Variants in FGD5 observed in about 807,000 individuals in gnomAD.
FGD5 encodes FYVE, RhoGEF and PH domain containing 5, also known as FYVE, RhoGEF and PH domain-containing protein 5.
A neutral mutation model predicts 133.4 loss-of-function variants in FGD5; 28 were observed. The observed-to-expected ratio is 0.21, with a 90% CI of 0.16 to 0.29. The LOEUF is 0.29. Ranked by LOEUF, FGD5 falls within the 10% of genes least tolerant of loss-of-function variation. The probability of loss-of-function intolerance (pLI) is 1.00; values close to 1 mark genes in which losing one functional copy is unlikely to be tolerated. For synonymous variants in FGD5, 810 were observed against 776.5 expected, an observed-to-expected ratio of 1.04 and a Z score of -0.72; for missense variants, 1,858 against 1,895.2, an observed-to-expected ratio of 0.98 and a Z score of 0.36.
chr3:14,897,887 C>G (rs1012642410), intron 5 of FGD5, 52 bp from the exon 6 acceptor site: 2 of 1,606,950 alleles, frequency 1.2e-6, no homozygotes, highest in Non-Finnish European at 1.7e-6. Flanking sequence ...TCTAACCCTG[C>G]GTTGGTTACA....
intron 2 of FGD5, among the ~76,000 whole-genome samples, chr3:14,866,996 A>G (rs1056651934): frequency 2.0e-5 from 3 of 152,146 alleles, no homozygotes; most frequent in African/African-American, 7.2e-5. Flanking sequence ...CAGACTTCTC[A>G]TCAGCTATAG....
intron 11 of FGD5, among the ~76,000 whole-genome samples, chr3:14,913,430 C>T (rs1225597718): frequency 2.0e-5 from 3 of 152,196 alleles, no homozygotes; most frequent in African/African-American, 7.2e-5. Flanking sequence ...CTCTTCAGGA[C>T]GCAAAAGGGA....
At chr3:14,839,508 C>T (rs2036877083) in intron 1 of FGD5, among the ~76,000 whole-genome samples, 1 of 152,210 alleles carries the variant, frequency 6.6e-6, no homozygotes, top group Non-Finnish European at 1.5e-5. Context: ...AGAGATCCTG[C>T]CCCGGGGGCA....
At position 14,865,315 on chromosome 3, in the gene FGD5, C is replaced by T. The variant is rs138419354; in HGVS notation, c.2658+1055C>T. 2.8e-3 allele frequency among the ~76,000 whole-genome samples: 423 copies of T among 152,374 alleles called. 2 individuals carry two copies. Among genetic ancestry groups the T allele is most frequent in the African/African-American group, 9.5e-3 (394 of 41,596 alleles). On this transcript the variant is annotated intron_variant, in intron 2 of 19. Coordinates refer to ENST00000285046, the MANE Select transcript of FGD5 (RefSeq NM_152536.4). ...TTAAAGACCATTGCAAGTGAATGCA[C>T]TCAGCACAGGTGCCTGACACTTACC...
chr3:14,818,185 C>T (rs2036406798), upstream of FGD5, among the ~76,000 whole-genome samples: 1 of 152,200 alleles, frequency 6.6e-6, no homozygotes, highest in Admixed American at 6.5e-5. Context: ...GCAAGTACAT[C>T]CTTTTCCAGA....
upstream of FGD5, among the ~76,000 whole-genome samples, chr3:14,814,129 G>A (rs926207327): frequency 1.3e-5 from 2 of 152,056 alleles, no homozygotes; most frequent in African/African-American, 2.4e-5. Flanking sequence ...CCCAGGCTCC[G>A]TGATACAAGG....
intron 1 of FGD5, among the ~76,000 whole-genome samples, chr3:14,841,004 G>C (rs1002999953): frequency 8.5e-5 from 13 of 152,222 alleles, no homozygotes; most frequent in Non-Finnish European, 1.9e-4. Context: ...ATACTCCATT[G>C]AATGATTGTG....
chr3:14,851,462 A>G (rs1419707911), intron 1 of FGD5, among the ~76,000 whole-genome samples: 1 of 152,172 alleles, frequency 6.6e-6, no homozygotes, highest in Non-Finnish European at 1.5e-5. Flanking sequence ...CCCAGAGATG[A>G]CCAAAATGTT....
chr3:14,872,430 G>C lies in FGD5; in HGVS notation c.2659-8142G>C, dbSNP rs558630986. ...TAAGGTGGCTGTTCTCATGGGCTGGGAAGTATAGCCTCTGGCTAAAGCCTT... is the reference window on the plus strand; with the variant it reads ...TAAGGTGGCTGTTCTCATGGGCTGGCAAGTATAGCCTCTGGCTAAAGCCTT... On this transcript the variant is annotated intron_variant, in intron 2 of 19. Transcript: ENST00000285046. 1.7e-4 allele frequency among the ~76,000 whole-genome samples: 26 copies of C among 152,262 alleles called. No individual in the cohort carries two copies. In the South Asian group the frequency reaches 4.8e-3, roughly 28 times the overall value.
At chr3:14,904,934 A>G (rs973178215) in intron 9 of FGD5, among the ~76,000 whole-genome samples, 1 of 152,194 alleles carries the variant, frequency 6.6e-6, no homozygotes, top group African/African-American at 2.4e-5. Context: ...GATTATAGGC[A>G]TGAGCCACCA....
At chr3:14,825,456 T>C (rs1016908064) in intron 1 of FGD5, among the ~76,000 whole-genome samples, 1 of 150,654 alleles carries the variant, frequency 6.6e-6, no homozygotes, top group African/African-American at 2.5e-5. Context: ...TACACTCCCA[T>C]CTCTACATAT....
intron 1 of FGD5, among the ~76,000 whole-genome samples, chr3:14,845,154 G>C: frequency 6.6e-6 from 1 of 152,030 alleles, no homozygotes; most frequent in Admixed American, 6.5e-5. Flanking sequence ...TAAAAAAAAA[G>C]CCCTGATGCC....
In FGD5 at chr3:14,932,618, C is replaced by T; in HGVS notation, c.4239C>T (p.Thr1413=). ...AGAGTATGCCTCTGCTAGGCTTCAC[C>T]ATTGCTCCAGAAAAGGAAGAGGGCA... ...ALESMPLLGF[T]IAPEKEEGSS... is the part of the protein sequence containing the mutation. Residue 1413 remains threonine (T), a synonymous_variant, in exon 19 of 20, where the codon ACC becomes ACT. Transcript: ENST00000285046. The T allele has an allele frequency of 6.2e-7, 1 of 1,613,974 alleles. No homozygotes were observed. Among genetic ancestry groups the T allele is most frequent in the Non-Finnish European group, 8.5e-7 (1 of 1,179,842 alleles).
intron 4 of FGD5, among the ~76,000 whole-genome samples, chr3:14,883,401 T>C (rs115329397): frequency 2.1e-3 from 325 of 152,306 alleles, no homozygotes; most frequent in African/African-American, 7.7e-3. Flanking sequence ...TCTGTCAATC[T>C]CTACCCGTCC....
rs772435296 is a variant in FGD5, at chr3:14,819,793, A to G, written c.722A>G (p.Asp241Gly). Residue 241 changes from aspartate to glycine, a missense_variant, in exon 1 of 20, where the codon GAC becomes GGC. This residue lies in a region of FGD5 where 1,824 missense variants were observed against 1,848.9 expected (regional missense o/e 0.99). Transcript: ENST00000285046. The surrounding 1 kb of genome is among the most constrained non-coding windows in gnomAD (Gnocchi z 4.1). ...EGSGPDRPTE[D>G]MGQDAEDTSE... Reference sequence around the variant, plus strand: ...TCGGGTCCTGACAGGCCCACGGAGGACATGGGACAGGATGCTGAGGACACC... The same window carrying G: ...TCGGGTCCTGACAGGCCCACGGAGGGCATGGGACAGGATGCTGAGGACACC... 6.4e-7 allele frequency: 1 copy of G among 1,573,868 alleles called. No homozygotes were observed. The highest frequency in any genetic ancestry group is 8.6e-7 in the Non-Finnish European group (1 of 1,159,808).
intron 1 of FGD5, among the ~76,000 whole-genome samples, chr3:14,843,583 G>T (rs896532551): frequency 6.6e-6 from 1 of 151,788 alleles, no homozygotes; most frequent in African/African-American, 2.4e-5. Flanking sequence ...GTCACGGCCA[G>T]CCCCTCCCCA....
At chr3:14,863,038 C>T (rs565051517) in intron 1 of FGD5, among the ~76,000 whole-genome samples, 24 of 152,286 alleles carry the variant, frequency 1.6e-4, no homozygotes, top group African/African-American at 5.3e-4. Flanking sequence ...GTCCCCCACC[C>T]GCCTCACTTC....
At chr3:14,876,354 C>T (rs2037719609) in intron 2 of FGD5, among the ~76,000 whole-genome samples, 1 of 152,188 alleles carries the variant, frequency 6.6e-6, no homozygotes, top group South Asian at 2.1e-4. Context: ...GACCCACCTC[C>T]CCTCTTAAAA....
intron 4 of FGD5, among the ~76,000 whole-genome samples, chr3:14,883,967 C>T (rs566006044): frequency 2.5e-4 from 38 of 152,098 alleles, no homozygotes; most frequent in Non-Finnish European, 4.7e-4. Context: ...TGCTCACAGG[C>T]TCATGGTATG....
Sources: gnomAD v4.1 joint callset for allele counts (sites outside exome capture counted in the v4.1 genomes callset) on GRCh38, gnomAD v4.1.1 for gene constraint, gnomAD v4.1.1 regional missense constraint, Gnocchi (gnomAD v3.1) non-coding constraint, MANE v1.5 for transcripts, NCBI Gene and HGNC (gene_info 2026-07-23, HGNC 2026-07-21) for gene names.